TRPM3: variants seen among roughly 807,000 people sequenced by gnomAD.
The protein encoded by TRPM3 is transient receptor potential cation channel subfamily M member 3, also known as long transient receptor potential channel 3.
A neutral mutation model predicts 181.2 loss-of-function variants in TRPM3; 77 were observed. The observed-to-expected ratio is 0.42, with a 90% CI of 0.35 to 0.51. The LOEUF (loss-of-function observed/expected upper bound fraction) is 0.51. Ranked by LOEUF, TRPM3 falls within the 20% of genes least tolerant of loss-of-function variation. The pLI, the probability that TRPM3 is intolerant of heterozygous loss-of-function variation, is 0.01. For missense variants in TRPM3, 1,759 were observed against 2,196.7 expected (o/e 0.80, Z 3.98); for synonymous variants, 745 against 796.4 (o/e 0.94, Z 1.09).
At position 71,329,332 on chromosome 9, in the gene TRPM3, G is replaced by T. The variant is rs921343890; in HGVS notation, c.183+117321C>A. The stretch of plus-strand genomic sequence containing the variant: ...TTCTGTTTTGTACAGTATCTAAAAT[G>T]ATTCCAAGCATATATTCGACAGTCT... On this transcript the variant is annotated intron_variant, in intron 1 of 24. Transcript: ENST00000357533. Among the ~76,000 whole-genome samples the T allele has an allele frequency of 1.1e-4, 17 of 152,202 alleles. 1 individual carries two copies. The highest frequency in any genetic ancestry group is 3.9e-4 in the Admixed American group (6 of 15,282).
intron 1 of TRPM3, among the ~76,000 whole-genome samples, chr9:71,133,715 C>A (rs936655044): frequency 6.6e-6 from 1 of 152,104 alleles, no homozygotes; most frequent in Admixed American, 6.5e-5. Context: ...TTCCACATAG[C>A]TTTTAATTTT....
At chr9:70,906,670 A>C (rs1213819185) in intron 1 of TRPM3, among the ~76,000 whole-genome samples, 2 of 152,232 alleles carry the variant, frequency 1.3e-5, no homozygotes, top group Non-Finnish European at 2.9e-5. Context: ...TGAGAGGCCA[A>C]GGCCGGCGGA....
chr9:70,614,049 T>A (rs2062381681), intron 18 of TRPM3, among the ~76,000 whole-genome samples: 1 of 152,166 alleles, frequency 6.6e-6, no homozygotes, highest in African/African-American at 2.4e-5. Context: ...CACTTGAGAC[T>A]AGAGAGACAT....
At chr9:70,592,215 GGT>G (rs1464813759) in intron 21 of TRPM3, among the ~76,000 whole-genome samples, 1 of 152,148 alleles carries the variant, frequency 6.6e-6, no homozygotes, top group African/African-American at 2.4e-5. Context: ...CCACAAGGTA[GGT>G]GTGTTTTCCA....
chr9:71,088,117 T>C (rs925152863), intron 1 of TRPM3, among the ~76,000 whole-genome samples: 1 of 152,080 alleles, frequency 6.6e-6, no homozygotes, highest in African/African-American at 2.4e-5. Context: ...AACAATCAGC[T>C]ACAGTAAAAA....
chr9:71,066,821 C>T (rs1026470357), intron 1 of TRPM3, among the ~76,000 whole-genome samples: 20 of 152,330 alleles, frequency 1.3e-4, no homozygotes, highest in African/African-American at 4.3e-4. Flanking sequence ...GTCAGTCTCT[C>T]TTGGCCCCTG....
At chr9:70,614,575 T>C (rs1286557220) in intron 18 of TRPM3, among the ~76,000 whole-genome samples, 1 of 152,194 alleles carries the variant, frequency 6.6e-6, no homozygotes, top group African/African-American at 2.4e-5. Context: ...CATTAGTAAG[T>C]ATGTGTAAAG....
intron 1 of TRPM3, among the ~76,000 whole-genome samples, chr9:71,382,930 G>A (rs367763429): frequency 2.6e-5 from 4 of 152,200 alleles, no homozygotes; most frequent in East Asian, 3.9e-4. Flanking sequence ...TTTCAGGACC[G>A]AGATACTTAT....
intron 1 of TRPM3, among the ~76,000 whole-genome samples, chr9:71,112,000 A>G (rs1289893217): frequency 6.6e-6 from 1 of 152,234 alleles, no homozygotes; most frequent in Admixed American, 6.5e-5. Flanking sequence ...TACATGATAT[A>G]GTAAAATAAC....
intron 1 of TRPM3, among the ~76,000 whole-genome samples, chr9:71,277,833 G>T (rs2084344259): frequency 6.6e-6 from 1 of 152,162 alleles, no homozygotes; most frequent in Non-Finnish European, 1.5e-5. Flanking sequence ...AAATAGTTAA[G>T]CATCGCACTC....
intron 1 of TRPM3, among the ~76,000 whole-genome samples, chr9:71,083,624 A>AT (rs1295819565): frequency 1.3e-5 from 2 of 151,284 alleles, no homozygotes; most frequent in Non-Finnish European, 1.5e-5. Context: ...TGCATTAATT[A>AT]TTTTTTTGCT....
At chr9:70,822,236 A>C (rs2093237533) in intron 6 of TRPM3, among the ~76,000 whole-genome samples, 1 of 152,166 alleles carries the variant, frequency 6.6e-6, no homozygotes, top group Non-Finnish European at 1.5e-5. Flanking sequence ...ACCGCTTCTC[A>C]AAAACTTTGT....
rs367699725 is a variant in TRPM3, at chr9:70,943,951, T to G, written c.178-79440A>C. On this transcript the variant is annotated intron_variant, in intron 1 of 25. Transcript: ENST00000677713. Reference sequence around the variant, plus strand: ...CCCAACACCACGCCTGGCTAATTTTTGTATTTTTAGTAGAGACGGGGTTTC... The same window carrying G: ...CCCAACACCACGCCTGGCTAATTTTGGTATTTTTAGTAGAGACGGGGTTTC... Among the ~76,000 whole-genome samples the G allele has an allele frequency of 2.0e-5, 3 of 152,270 alleles. No homozygotes were observed. In the South Asian group the frequency reaches 6.2e-4, roughly 32 times the overall value.
intron 6 of TRPM3, among the ~76,000 whole-genome samples, chr9:70,784,674 G>T (rs1274796213): frequency 6.6e-6 from 1 of 152,118 alleles, no homozygotes; most frequent in East Asian, 1.9e-4. Flanking sequence ...CAATGAGTCT[G>T]TTTCCTATAT....
At chr9:71,257,051 T>C (rs2082718216) in intron 1 of TRPM3, among the ~76,000 whole-genome samples, 1 of 152,202 alleles carries the variant, frequency 6.6e-6, no homozygotes, top group South Asian at 2.1e-4. Context: ...ATCTTTAACA[T>C]GTGCAGAATG....
At chr9:70,917,116 C>T in intron 1 of TRPM3, 2 of 1,604,426 alleles carry the variant, frequency 1.2e-6, no homozygotes, top group South Asian at 1.1e-5. Flanking sequence ...AACACATTTC[C>T]ATAGGGGTTC....
At chr9:71,031,975 T>TATA (rs1554806592) in intron 1 of TRPM3, among the ~76,000 whole-genome samples, 94 of 7,926 alleles carry the variant, frequency 0.012, 15 homozygotes, top group Non-Finnish European at 0.014. Context: ...ATATATATTA[T>TATA]ATATATATAT....
intron 6 of TRPM3, among the ~76,000 whole-genome samples, chr9:70,799,546 G>A (rs2088280772): frequency 6.6e-6 from 1 of 152,176 alleles, no homozygotes; most frequent in Non-Finnish European, 1.5e-5. Flanking sequence ...CTCCCTCCTT[G>A]TTTCCATGTG....
Position 70,618,999 on chromosome 9 carries a change from C to T in TRPM3, c.2226G>A (p.Trp742Ter), listed in dbSNP as rs764013707. The change falls in exon 17 of 26, where the codon TGG becomes TGA. Residue 742 changes from tryptophan to a stop codon, truncating the protein, a stop_gained. Coordinates refer to ENST00000677713, the MANE Select transcript of TRPM3 (RefSeq NM_001366145.2). LOFTEE classifies it high-confidence loss of function. ...MKLLTYELKN[W>*]SNATCLQLAV... ...CAAGCTGCAGGCACGTGGCGTTGCTCCAGTTCTTCAGCTCATACGTCAGCA... is the reference window on the plus strand; with the variant it reads ...CAAGCTGCAGGCACGTGGCGTTGCTTCAGTTCTTCAGCTCATACGTCAGCA... 6.2e-7 allele frequency: 1 copy of T among 1,614,236 alleles called. No homozygotes were observed. The highest frequency in any genetic ancestry group is 1.1e-5 in the South Asian group (1 of 91,084).
Sources: allele counts gnomAD v4.1 joint callset (sites outside exome capture counted in the v4.1 genomes callset), GRCh38; gene constraint gnomAD v4.1.1; transcripts MANE v1.5; gene names NCBI Gene and HGNC (gene_info 2026-07-23, HGNC 2026-07-21).